Variants in PACRG observed in about 807,000 individuals in gnomAD.
PACRG encodes parkin coregulated gene protein.
Under a neutral mutation model 29.7 loss-of-function variants are expected in PACRG, and 29 were observed. The ratio of observed to expected loss-of-function variants is 0.98; its 90% CI spans 0.73 to 1.33. The LOEUF (loss-of-function observed/expected upper bound fraction) is 1.33. PACRG is among the 40% of genes most tolerant of loss of function. The probability of loss-of-function intolerance (pLI) is 0.00; values close to 1 mark genes in which losing one functional copy is unlikely to be tolerated. For synonymous variants in PACRG, 116 were observed against 118.7 expected, an observed-to-expected ratio of 0.98 and a Z score of 0.15; for missense variants, 279 against 316.2, an observed-to-expected ratio of 0.88 and a Z score of 0.89.
intron 4 of PACRG, chr6:163,179,343 G>T (rs1779538727): frequency 2.4e-6 from 1 of 418,960 alleles, no homozygotes; most frequent in Non-Finnish European, 4.8e-6. Context: ...ACGAGGCACA[G>T]AATTCCCAGA....
At chr6:163,020,016 C>T (rs1189483441) in intron 2 of PACRG, among the ~76,000 whole-genome samples, 1 of 152,152 alleles carries the variant, frequency 6.6e-6, no homozygotes, top group African/African-American at 2.4e-5. Context: ...GAGATGTCTT[C>T]GTATTGGCAA....
intron 2 of PACRG, among the ~76,000 whole-genome samples, chr6:162,984,638 G>A (rs1802719013): frequency 6.6e-6 from 1 of 151,886 alleles, no homozygotes; most frequent in Admixed American, 6.6e-5. Flanking sequence ...CCCATCAACA[G>A]TGTAATGTGT....
chr6:163,070,352 C>T (rs926352409), intron 3 of PACRG, among the ~76,000 whole-genome samples: 2 of 151,872 alleles, frequency 1.3e-5, no homozygotes, highest in East Asian at 3.9e-4. Context: ...AACAACTTTT[C>T]AAGACATAGA....
At chr6:163,177,787 C>T (rs375844407) in intron 4 of PACRG, among the ~76,000 whole-genome samples, 2 of 118,668 alleles carry the variant, frequency 1.7e-5, no homozygotes, top group African/African-American at 3.2e-5. Flanking sequence ...GTCTGAGAAA[C>T]GTGCCCTAGG....
At chr6:162,921,461 G>C (rs1191383590) in intron 2 of PACRG, among the ~76,000 whole-genome samples, 1 of 152,094 alleles carries the variant, frequency 6.6e-6, no homozygotes, top group Non-Finnish European at 1.5e-5. Context: ...CCATTTCTCT[G>C]ACCTCTGGGG....
intron 2 of PACRG, among the ~76,000 whole-genome samples, chr6:162,947,882 A>C (rs1411302493): frequency 6.6e-6 from 1 of 151,452 alleles, no homozygotes; most frequent in Non-Finnish European, 1.5e-5. Context: ...ACTACATAAC[A>C]CTGATTTAAA....
At chr6:163,150,002 G>A (rs1364304845) in intron 4 of PACRG, among the ~76,000 whole-genome samples, 18 of 152,332 alleles carry the variant, frequency 1.2e-4, no homozygotes, top group Admixed American at 3.3e-4. Flanking sequence ...CTGCGGGACT[G>A]TCTAGCTGTG....
In PACRG at chr6:163,066,886, C is replaced by T. The variant is rs545414756; in HGVS notation, c.463+4565C>T. ...GTAAAATTTAATTGTAAAGAGTTTTCAAGTGTATAAAGAGGATCAATTTAT... is the reference window on the plus strand; with the variant it reads ...GTAAAATTTAATTGTAAAGAGTTTTTAAGTGTATAAAGAGGATCAATTTAT... On this transcript the variant is annotated intron_variant, in intron 3 of 4. Coordinates refer to ENST00000366888, the MANE Select transcript of PACRG (RefSeq NM_001080379.2). Among the ~76,000 whole-genome samples, 18 of 152,264 alleles carry T rather than the reference C, an allele frequency of 1.2e-4. No individual in the cohort carries two copies. In the South Asian group the frequency reaches 2.9e-3, roughly 25 times the overall value.
intron 2 of PACRG, among the ~76,000 whole-genome samples, chr6:163,034,401 A>G (rs1807964545): frequency 6.6e-6 from 1 of 152,188 alleles, no homozygotes; most frequent in Admixed American, 6.5e-5. Context: ...GACTTTAATG[A>G]GAGGGACTTT....
intron 2 of PACRG, among the ~76,000 whole-genome samples, chr6:162,895,085 A>C (rs1448664923): frequency 4.6e-5 from 7 of 151,162 alleles, no homozygotes; most frequent in African/African-American, 1.7e-4. Context: ...ACATGGTGAG[A>C]TCCCCGTCTC....
At chr6:163,036,140 A>G (rs2128232795) in intron 2 of PACRG, among the ~76,000 whole-genome samples, 1 of 152,338 alleles carries the variant, frequency 6.6e-6, no homozygotes, top group African/African-American at 2.4e-5. Context: ...TGCTAATGCT[A>G]ATAGTATGTT....
intron 3 of PACRG, among the ~76,000 whole-genome samples, chr6:163,074,289 A>G (rs1812341794): frequency 2.0e-5 from 3 of 152,178 alleles, no homozygotes; most frequent in Admixed American, 2.0e-4. Context: ...ATGGAACTGG[A>G]GGTCATTATG....
chr6:162,990,809 T>C (rs1261929042), intron 2 of PACRG, among the ~76,000 whole-genome samples: 8 of 137,734 alleles, frequency 5.8e-5, no homozygotes, highest in Non-Finnish European at 1.2e-4. Flanking sequence ...ATGAAGTCCT[T>C]GCCCATGCCT....
intron 2 of PACRG, among the ~76,000 whole-genome samples, chr6:163,007,400 T>C (rs1805218487): frequency 1.3e-5 from 2 of 152,224 alleles, no homozygotes; most frequent in Non-Finnish European, 2.9e-5. Context: ...TCATCTGGTG[T>C]CATTTTCCTT....
chr6:162,874,151 A>AATATATATATAT (rs1554296145), intron 2 of PACRG, among the ~76,000 whole-genome samples: 1 of 136,312 alleles, frequency 7.3e-6, no homozygotes, highest in African/African-American at 2.7e-5. Flanking sequence ...AAAAAAAAAA[A>AATATATATATAT]ATATATATAT....
chr6:163,267,016 G>A (rs1047273915), intron 4 of PACRG, among the ~76,000 whole-genome samples: 1 of 152,206 alleles, frequency 6.6e-6, no homozygotes, highest in African/African-American at 2.4e-5. Flanking sequence ...ACCAGGGCCA[G>A]GGGCATGAAA....
Position 162,792,858 on chromosome 6 carries a change from G to A in PACRG, c.157-21289G>A, listed in dbSNP as rs114935563. 3.0e-3 allele frequency among the ~76,000 whole-genome samples: 460 copies of A among 152,266 alleles called. 7 individuals are homozygous for A. The highest frequency in any genetic ancestry group is 0.01 in the African/African-American group (433 of 41,556). On this transcript the variant is annotated intron_variant, in intron 1 of 4. Coordinates refer to ENST00000366888, the MANE Select transcript of PACRG (RefSeq NM_001080379.2). ...CAGAGATGATTTCAGAAAAGGAGAT[G>A]TGTAGAGCCATTCAGGAGCCAGAAT...
chr6:163,116,742 T>C (rs1432524321), intron 4 of PACRG, among the ~76,000 whole-genome samples: 2 of 152,176 alleles, frequency 1.3e-5, no homozygotes, highest in Admixed American at 1.3e-4. Flanking sequence ...GCCTGAGAAG[T>C]TGGCACCTTA....
chr6:163,171,277 A>G (rs988993617), intron 4 of PACRG, among the ~76,000 whole-genome samples: 1 of 152,168 alleles, frequency 6.6e-6, no homozygotes, highest in South Asian at 2.1e-4. Context: ...AGAAAAAAAA[A>G]ATCACAGATC....
Sources: allele counts gnomAD v4.1 joint callset (sites outside exome capture counted in the v4.1 genomes callset), GRCh38; gene constraint gnomAD v4.1.1; transcripts MANE v1.5; gene names NCBI Gene and HGNC (gene_info 2026-07-23, HGNC 2026-07-21).